The following SAMMSON variants were observed in gnomAD, a reference collection of about 807,000 sequenced individuals.
SAMMSON encodes the protein long intergenic non-protein coding RNA 1212.
chr3:70,180,002 G>T (rs7641398), intron 4 of SAMMSON, among the ~76,000 whole-genome samples: 16,084 of 67,688 alleles, frequency 0.24, 1,082 homozygotes, highest in Middle Eastern at 0.32. Context: ...CCTGTGCTTC[G>T]TATGTGTGTG....
intron 4 of SAMMSON, chr3:70,206,914 A>C: frequency 2.5e-6 from 1 of 394,624 alleles, no homozygotes; most frequent in Non-Finnish European, 4.5e-6. Context: ...AAACAAATGA[A>C]GTATTATTGA....
chr3:70,321,386 A>G (rs1003479084), intron 7 of SAMMSON, among the ~76,000 whole-genome samples: 1 of 152,078 alleles, frequency 6.6e-6, no homozygotes, highest in South Asian at 2.1e-4. Flanking sequence ...ATTCAGCACA[A>G]TGATCTGGAG....
chr3:70,413,204 C>T (rs989471075), intron 2 of SAMMSON, among the ~76,000 whole-genome samples: 1 of 152,058 alleles, frequency 6.6e-6, no homozygotes, highest in Non-Finnish European at 1.5e-5. Context: ...ATTTGAGATA[C>T]CTACAAACAG....
intron 4 of SAMMSON, among the ~76,000 whole-genome samples, chr3:70,123,859 C>G (rs1318602261): frequency 6.6e-6 from 1 of 152,194 alleles, no homozygotes; most frequent in Non-Finnish European, 1.5e-5. Context: ...TGAGGATTCC[C>G]TTTCCAGAAT....
intron 7 of SAMMSON, among the ~76,000 whole-genome samples, chr3:70,316,310 C>A (rs1480676176): frequency 6.6e-6 from 1 of 152,058 alleles, no homozygotes; most frequent in South Asian, 2.1e-4. Context: ...TATCACTTTT[C>A]AGTGTTTTTA....
At chr3:70,305,281 TCTTCACCC>T (rs1451759093) in intron 7 of SAMMSON, among the ~76,000 whole-genome samples, 5 of 152,222 alleles carry the variant, frequency 3.3e-5, no homozygotes, top group African/African-American at 1.2e-4. Context: ...TGTTACCTTT[TCTTCACCC>T]CTATTTTTGT....
chr3:70,283,831 T>C (rs192071894), intron 6 of SAMMSON: 1 of 151,866 alleles, frequency 6.6e-6, no homozygotes, highest in African/African-American at 2.4e-5. Flanking sequence ...AATGTTAACA[T>C]CTGTTAAATC....
chr3:70,149,131 TGTG>T (rs1341602882), intron 4 of SAMMSON, among the ~76,000 whole-genome samples: 1 of 152,084 alleles, frequency 6.6e-6, no homozygotes. Flanking sequence ...GAAGGTCAAA[TGTG>T]GTGAAAAGAG....
At chr3:70,403,526 G>A (rs1159575184) in intron 2 of SAMMSON, among the ~76,000 whole-genome samples, 1 of 152,130 alleles carries the variant, frequency 6.6e-6, no homozygotes, top group Non-Finnish European at 1.5e-5. Context: ...ACTATGACTC[G>A]CAGTCTCAAT....
At chr3:70,339,126 A>C (rs553931870) in intron 7 of SAMMSON, among the ~76,000 whole-genome samples, 113 of 152,336 alleles carry the variant, frequency 7.4e-4, no homozygotes, top group Non-Finnish European at 1.5e-3. Flanking sequence ...ATCTTTGAGA[A>C]TCCTGACAAA....
intron 9 of SAMMSON, among the ~76,000 whole-genome samples, chr3:70,371,590 T>C (rs1482350080): frequency 6.6e-6 from 1 of 152,142 alleles, no homozygotes. Flanking sequence ...CATTTTATTT[T>C]TTAATAGCTA....
intron 3 of SAMMSON, among the ~76,000 whole-genome samples, chr3:70,062,041 A>G (rs1425792082): frequency 2.0e-5 from 3 of 152,078 alleles, no homozygotes; most frequent in Non-Finnish European, 4.4e-5. Context: ...TCTACAGGCA[A>G]ACCCTCCACA....
intron 3 of SAMMSON, among the ~76,000 whole-genome samples, chr3:70,025,855 G>A (rs189285557): frequency 6.6e-6 from 1 of 152,214 alleles, no homozygotes; most frequent in Non-Finnish European, 1.5e-5. Context: ...TAAAAAAATT[G>A]TAAGGAACAT....
At chr3:70,301,847 T>G (rs1702351522) in intron 7 of SAMMSON, among the ~76,000 whole-genome samples, 1 of 152,094 alleles carries the variant, frequency 6.6e-6, no homozygotes, top group Non-Finnish European at 1.5e-5. Flanking sequence ...TAATTTTCTA[T>G]CTATAATGCT....
At chr3:70,291,560 G>A (rs1702240200) in intron 7 of SAMMSON, among the ~76,000 whole-genome samples, 1 of 152,090 alleles carries the variant, frequency 6.6e-6, no homozygotes, top group South Asian at 2.1e-4. Context: ...GAGATTCTCA[G>A]AAGGGACAAT....
At chr3:70,022,470 G>C (rs2067019706) in intron 3 of SAMMSON, among the ~76,000 whole-genome samples, 1 of 147,746 alleles carries the variant, frequency 6.8e-6, no homozygotes, top group Non-Finnish European at 1.5e-5. Context: ...TTGTGATACT[G>C]CCAGTAGGGA....
chr3:70,148,008 A>T (rs916035681), intron 4 of SAMMSON, among the ~76,000 whole-genome samples: 1 of 152,104 alleles, frequency 6.6e-6, no homozygotes, highest in Non-Finnish European at 1.5e-5. Flanking sequence ...GGATACACAG[A>T]AGGCAGATGA....
At chr3:70,083,324 A>C (rs547842858) in intron 4 of SAMMSON, among the ~76,000 whole-genome samples, 120 of 152,278 alleles carry the variant, frequency 7.9e-4, no homozygotes, top group African/African-American at 2.5e-3. Context: ...TTTACATGTC[A>C]GCTCCCTGTC....
At chr3:70,281,386 T>A (rs74815431) in intron 6 of SAMMSON, among the ~76,000 whole-genome samples, 1,856 of 152,306 alleles carry the variant, frequency 0.012, 15 homozygotes, top group Non-Finnish European at 0.021. Flanking sequence ...GGTACGATCA[T>A]AAGCTTCAGA....
Sources: allele counts gnomAD v4.1 joint callset (sites outside exome capture counted in the v4.1 genomes callset), GRCh38; gene constraint gnomAD v4.1.1; transcripts MANE v1.5; gene names NCBI Gene and HGNC (gene_info 2026-07-23, HGNC 2026-07-21).